Variants in GPR158 observed in about 807,000 individuals in gnomAD.
GPR158 encodes the protein metabotropic glycine receptor.
In GPR158, 30 loss-of-function variants were observed where a neutral mutation model predicts 78.2. The ratio of observed to expected loss-of-function variants is 0.38; its 90% CI spans 0.29 to 0.52. The LOEUF (loss-of-function observed/expected upper bound fraction) is 0.52, where lower values mean the gene tolerates loss of function less well. Among genes scored for constraint, GPR158 ranks in the 20% least tolerant of loss-of-function variants. The probability of loss-of-function intolerance (pLI) is 0.83; values close to 1 mark genes in which losing one functional copy is unlikely to be tolerated. For synonymous variants in GPR158, 581 were observed against 591.1 expected, an observed-to-expected ratio of 0.98 and a Z score of 0.25; for missense variants, 1,463 against 1,523.5, an observed-to-expected ratio of 0.96 and a Z score of 0.66.
rs990593150 is a variant in GPR158, at chr10:25,571,098, T to C, written c.1515-1551T>C. 1.8e-4 allele frequency among the ~76,000 whole-genome samples: 16 copies of C among 90,002 alleles called. No individual in the cohort carries two copies. In the African/African-American group the frequency reaches 3.0e-3, roughly 17 times the overall value. 59.0% of individuals were successfully genotyped at this position (90,002 alleles called of 152,430 possible). On this transcript the variant is annotated intron_variant, in intron 6 of 10. Coordinates refer to ENST00000376351, the MANE Select transcript of GPR158 (RefSeq NM_020752.3). ...GCATAGTGAAGATATTACCTGCCAGTGTTAGCGTTCGCCAGTGTTAGCGTT... is the reference window on the plus strand; with the variant it reads ...GCATAGTGAAGATATTACCTGCCAGCGTTAGCGTTCGCCAGTGTTAGCGTT...
intron 5 of GPR158, among the ~76,000 whole-genome samples, chr10:25,491,557 A>G (rs1024644424): frequency 1.6e-4 from 25 of 152,204 alleles, no homozygotes; most frequent in Admixed American, 1.3e-4. Context: ...ATTTCTTAAA[A>G]TTATTGAGAT....
intron 2 of GPR158, 101 bp from the exon 3 acceptor site, chr10:25,395,810 T>G: frequency 1.9e-6 from 1 of 538,362 alleles, no homozygotes; most frequent in Non-Finnish European, 3.4e-6. Flanking sequence ...CTGGAAAATG[T>G]GTTAGTTTTC....
rs567091738 is a variant in GPR158, at chr10:25,442,430, A to G, written c.1336-24221A>G. Among the ~76,000 whole-genome samples the G allele has an allele frequency of 4.6e-5, 7 of 152,320 alleles. No individual in the cohort carries two copies. In the East Asian group the frequency reaches 1.2e-3, roughly 25 times the overall value. On this transcript the variant is annotated intron_variant, in intron 4 of 10. Coordinates refer to ENST00000376351, the MANE Select transcript of GPR158 (RefSeq NM_020752.3). ...AGAATCACATATAAATAACAGGAGC[A>G]GCTGCAGTTCAGTTGAACCCAGAAC...
chr10:25,372,792 G>T (rs1305717920), intron 2 of GPR158, among the ~76,000 whole-genome samples: 1 of 151,038 alleles, frequency 6.6e-6, no homozygotes, highest in Non-Finnish European at 1.5e-5. Context: ...AAACAAGCAT[G>T]GAACAGGTAT....
intron 1 of GPR158, among the ~76,000 whole-genome samples, chr10:25,212,211 C>T (rs1221508981): frequency 6.6e-6 from 1 of 152,106 alleles, no homozygotes; most frequent in Non-Finnish European, 1.5e-5. Flanking sequence ...TTAACTGGCT[C>T]ACAGTTCTGC....
chr10:25,418,864 T>G (rs1273037838), intron 4 of GPR158, among the ~76,000 whole-genome samples: 1 of 150,164 alleles, frequency 6.7e-6, no homozygotes, highest in African/African-American at 2.5e-5. Flanking sequence ...ACACTGTAGT[T>G]GGTATTTTCT....
intron 4 of GPR158, among the ~76,000 whole-genome samples, chr10:25,420,938 A>G (rs1302949710): frequency 1.3e-5 from 2 of 152,268 alleles, no homozygotes; most frequent in South Asian, 2.1e-4. Context: ...TGTTTTGGCT[A>G]TTTGAGCTGC....
intron 2 of GPR158, among the ~76,000 whole-genome samples, chr10:25,227,998 GGTA>G (rs1341064195): frequency 1.6e-3 from 241 of 152,200 alleles, no homozygotes; most frequent in Middle Eastern, 3.4e-3. Context: ...TTGACAATAT[GGTA>G]AAAATGTGTC....
chr10:25,585,733 C>T (rs551001510), intron 7 of GPR158, among the ~76,000 whole-genome samples: 5 of 152,190 alleles, frequency 3.3e-5, no homozygotes, highest in Non-Finnish European at 5.9e-5. Flanking sequence ...AATCCCAGCA[C>T]TTTGGTAGGC....
chr10:25,248,492 T>G (rs1017458449), intron 2 of GPR158, among the ~76,000 whole-genome samples: 3 of 150,120 alleles, frequency 2.0e-5, no homozygotes, highest in Non-Finnish European at 1.5e-5. Flanking sequence ...GATTTTTGTA[T>G]AAGGTGTAAG....
At chr10:25,189,942 G>C (rs574337945) in intron 1 of GPR158, among the ~76,000 whole-genome samples, 1 of 151,346 alleles carries the variant, frequency 6.6e-6, no homozygotes, top group Non-Finnish European at 1.5e-5. Context: ...AGTGGGGAAA[G>C]GGAACAAATG....
chr10:25,350,819 A>G (rs1855449478), intron 2 of GPR158, among the ~76,000 whole-genome samples: 1 of 151,968 alleles, frequency 6.6e-6, no homozygotes. Context: ...GACCTCCTAT[A>G]TATCAAGGAG....
At chr10:25,448,755 T>C (rs1835174578) in intron 4 of GPR158, among the ~76,000 whole-genome samples, 1 of 152,234 alleles carries the variant, frequency 6.6e-6, no homozygotes, top group South Asian at 2.1e-4. Context: ...TTCCATTTGC[T>C]GTAAATCCTC....
Position 25,515,641 on chromosome 10 carries a change from T to C in GPR158, c.1405-35335T>C, listed in dbSNP as rs1468209322. ...GGTGTTTGGTTTTTTGTTCTTGTGA[T>C]AGTTTACTGAGAATGATGATTTCCA... is the stretch of plus-strand genomic sequence containing the variant. On this transcript the variant is annotated intron_variant, in intron 5 of 10. Transcript: ENST00000376351. Among the ~76,000 whole-genome samples, 1,121 of 147,278 alleles carry C rather than the reference T, an allele frequency of 7.6e-3. 15 individuals are homozygous for C. The highest frequency in any genetic ancestry group is 0.027 in the African/African-American group (1,062 of 39,574).
chr10:25,249,264 C>G (rs970916115), intron 2 of GPR158, among the ~76,000 whole-genome samples: 1 of 152,156 alleles, frequency 6.6e-6, no homozygotes, highest in African/African-American at 2.4e-5. Flanking sequence ...CAAACAGGGA[C>G]AATTTGACTT....
chr10:25,259,059 C>T (rs1588763147), intron 2 of GPR158, among the ~76,000 whole-genome samples: 1 of 152,116 alleles, frequency 6.6e-6, no homozygotes. Flanking sequence ...CGATCCACTT[C>T]CACCTGTCAT....
chr10:25,506,140 A>T (rs1564473863), intron 5 of GPR158, among the ~76,000 whole-genome samples: 1 of 152,200 alleles, frequency 6.6e-6, no homozygotes, highest in African/African-American at 2.4e-5. Context: ...AAGTGCTATA[A>T]TCCCACCATA....
intron 2 of GPR158, among the ~76,000 whole-genome samples, chr10:25,364,831 TTG>T (rs1855694739): frequency 6.6e-6 from 1 of 151,772 alleles, no homozygotes; most frequent in Non-Finnish European, 1.5e-5. Flanking sequence ...TCAAATGTGT[TTG>T]TTTTGGTGGT....
At chr10:25,369,956 G>A (rs1448902675) in intron 2 of GPR158, among the ~76,000 whole-genome samples, 3 of 148,150 alleles carry the variant, frequency 2.0e-5, no homozygotes, top group Admixed American at 6.8e-5. Context: ...TATTTGCGTA[G>A]AGGTGTTTGT....
Sources: gnomAD v4.1 joint callset for allele counts (sites outside exome capture counted in the v4.1 genomes callset) on GRCh38, gnomAD v4.1.1 for gene constraint, MANE v1.5 for transcripts, NCBI Gene and HGNC (gene_info 2026-07-23, HGNC 2026-07-21) for gene names.